The following DCDC2C variants were observed in gnomAD, a reference collection of about 807,000 sequenced individuals.
DCDC2C encodes the protein doublecortin domain-containing protein 2C.
In DCDC2C, 44 loss-of-function variants were observed where a neutral mutation model predicts 45.0. The observed-to-expected ratio is 0.98, with a 90% CI of 0.77 to 1.26. The LOEUF (loss-of-function observed/expected upper bound fraction) is 1.26. Ranked by LOEUF, DCDC2C falls within the 50% of genes most tolerant of loss-of-function variation. The probability of loss-of-function intolerance (pLI) is 0.00; values close to 1 mark genes in which losing one functional copy is unlikely to be tolerated. For synonymous variants in DCDC2C, 187 were observed against 178.8 expected, an observed-to-expected ratio of 1.05 and a Z score of -0.37; for missense variants, 447 against 468.9, an observed-to-expected ratio of 0.95 and a Z score of 0.43.
chr2:3,790,057 A>G (rs1365903315), intron 10 of DCDC2C, among the ~76,000 whole-genome samples: 1 of 152,166 alleles, frequency 6.6e-6, no homozygotes, highest in Non-Finnish European at 1.5e-5. Context: ...GTGTGCTTAG[A>G]AATTCATTGA....
At chr2:3,749,587 T>G (rs946113404) in intron 4 of DCDC2C, among the ~76,000 whole-genome samples, 1 of 152,180 alleles carries the variant, frequency 6.6e-6, no homozygotes, top group Non-Finnish European at 1.5e-5. Flanking sequence ...GTACCTCTCT[T>G]AGAAGAAAAT....
At chr2:3,769,826 A>G (rs144819422) in intron 8 of DCDC2C, among the ~76,000 whole-genome samples, 398 of 152,328 alleles carry the variant, frequency 2.6e-3, no homozygotes, top group African/African-American at 8.7e-3. Flanking sequence ...ATAATGGAGT[A>G]AACAGTGGGA....
intron 10 of DCDC2C, among the ~76,000 whole-genome samples, chr2:3,811,719 T>C (rs1313960501): frequency 6.6e-6 from 1 of 152,240 alleles, no homozygotes; most frequent in Non-Finnish European, 1.5e-5. Flanking sequence ...TGTGGGTTTG[T>C]CATAAATAGC....
chr2:3,716,969 C>T (rs1224813650), intron 2 of DCDC2C, among the ~76,000 whole-genome samples: 1 of 152,184 alleles, frequency 6.6e-6, no homozygotes, highest in Non-Finnish European at 1.5e-5. Context: ...CCTTGTTGGT[C>T]ATAGCCCTGC....
chr2:3,782,956 A>C (rs570232853), intron 9 of DCDC2C, among the ~76,000 whole-genome samples: 29 of 152,326 alleles, frequency 1.9e-4, no homozygotes, highest in Admixed American at 5.9e-4. Flanking sequence ...AATGCCAAAA[A>C]ATGTATCCAC....
At chr2:3,748,710 G>T (rs1240167115) in intron 4 of DCDC2C, among the ~76,000 whole-genome samples, 1 of 152,104 alleles carries the variant, frequency 6.6e-6, no homozygotes, top group South Asian at 2.1e-4. Flanking sequence ...GTTGGAGGAG[G>T]CACCTGAAGA....
intron 10 of DCDC2C, among the ~76,000 whole-genome samples, chr2:3,834,174 G>A (rs1157769014): frequency 6.8e-6 from 1 of 146,428 alleles, no homozygotes; most frequent in Non-Finnish European, 1.5e-5. Context: ...TACAACTGAT[G>A]AACCAACACT....
In DCDC2C at chr2:3,818,965, T is replaced by G. The variant is rs1671623087; in HGVS notation, c.1066-28189T>G. ...CGTTGGCACCAGAGTTGTGGAGTTT[T>G]AAGAGGTTTAGAAGCCTGGCTGTCA... On this transcript the variant is annotated intron_variant, in intron 10 of 10. Coordinates refer to ENST00000399143, the MANE Select transcript of DCDC2C (RefSeq NM_001287444.2). The surrounding 1 kb of genome is among the most constrained non-coding windows in gnomAD (Gnocchi z 4.7). Among the ~76,000 whole-genome samples, 1 of 152,150 alleles carries G rather than the reference T, an allele frequency of 6.6e-6. No homozygotes were observed. Among genetic ancestry groups the G allele is most frequent in the African/African-American group, 2.4e-5 (1 of 41,414 alleles).
intron 10 of DCDC2C, among the ~76,000 whole-genome samples, chr2:3,799,073 T>G (rs1045899755): frequency 2.0e-5 from 3 of 152,218 alleles, no homozygotes; most frequent in Non-Finnish European, 1.5e-5. Flanking sequence ...CTTGTTTCTT[T>G]TTATTCTTTT....
chr2:3,777,325 T>C lies in DCDC2C; in HGVS notation c.955-1491T>C, dbSNP rs10198668. ...CCTCTCCTTGTAGCACCTGTCACAG[T>C]TGTTTTGTTTGTGTGACTATTTAAT... On this transcript the variant is annotated intron_variant, in intron 8 of 10. Coordinates refer to ENST00000399143, the MANE Select transcript of DCDC2C (RefSeq NM_001287444.2). Among the ~76,000 whole-genome samples the C allele has an allele frequency of 4.4e-3, 672 of 152,288 alleles. 1 individual carries two copies. Among genetic ancestry groups the C allele is most frequent in the African/African-American group, 0.015 (641 of 41,552 alleles).
intron 10 of DCDC2C, among the ~76,000 whole-genome samples, chr2:3,798,805 T>G (rs1671031798): frequency 6.6e-6 from 1 of 152,216 alleles, no homozygotes; most frequent in South Asian, 2.1e-4. Flanking sequence ...TGCTTAACAT[T>G]TTTTCCTTCA....
At chr2:3,800,379 A>G (rs1211541096) in intron 10 of DCDC2C, among the ~76,000 whole-genome samples, 1 of 152,164 alleles carries the variant, frequency 6.6e-6, no homozygotes. Flanking sequence ...CTATTCGGCC[A>G]TCTTGGCTCC....
chr2:3,707,708 A>G (rs1054356373), intron 1 of DCDC2C, among the ~76,000 whole-genome samples: 5 of 152,226 alleles, frequency 3.3e-5, no homozygotes, highest in African/African-American at 1.2e-4. Context: ...TGGTCCCACC[A>G]GCCACAGCCC....
At chr2:3,809,362 C>A (rs1484524997) in intron 10 of DCDC2C, among the ~76,000 whole-genome samples, 2 of 152,094 alleles carry the variant, frequency 1.3e-5, no homozygotes, top group Non-Finnish European at 1.5e-5. Flanking sequence ...TATAAAATAC[C>A]ATGAACATGT....
chr2:3,767,901 G>T (rs1018935093), intron 7 of DCDC2C, 21 bp downstream of exon 7: 16 of 1,445,754 alleles, frequency 1.1e-5, no homozygotes, highest in African/African-American at 1.5e-5. Flanking sequence ...GTTTCATTCT[G>T]CTGTAGGCAG....
At chr2:3,724,965 G>A (rs1668597313) in intron 2 of DCDC2C, among the ~76,000 whole-genome samples, 1 of 152,164 alleles carries the variant, frequency 6.6e-6, no homozygotes, top group Admixed American at 6.5e-5. Flanking sequence ...AACCTCTTCT[G>A]TGCTAAGTTG....
chr2:3,776,072 C>T (rs1214526615), intron 8 of DCDC2C, among the ~76,000 whole-genome samples: 1 of 152,200 alleles, frequency 6.6e-6, no homozygotes, highest in African/African-American at 2.4e-5. Context: ...AGAGGTCCGT[C>T]CTCTCCTACC....
At position 3,847,177 on chromosome 2, in the gene DCDC2C, A is replaced by G; in HGVS notation, c.1089A>G (p.Val363=). 1 of 1,231,716 alleles carries G rather than the reference A, an allele frequency of 8.1e-7. No homozygotes were observed. The highest frequency in any genetic ancestry group is 1.0e-6 in the Non-Finnish European group (1 of 987,926). The allele number at this position is 1,231,716 out of a possible 1,614,324, so 76.3% of individuals were successfully genotyped here. ...ERKMAREWKP[V]D is the part of the protein sequence containing the mutation. The stretch of plus-strand genomic sequence containing the variant: ...AGATGGCCCGGGAGTGGAAACCTGT[A>G]GATTAACAAAACCACCTTTATTATT... Residue 363 remains valine, a synonymous_variant, in exon 11 of 11, where the codon GTA becomes GTG. Transcript: ENST00000399143.
chr2:3,773,377 C>G, intron 8 of DCDC2C, among the ~76,000 whole-genome samples: 1 of 151,880 alleles, frequency 6.6e-6, no homozygotes, highest in African/African-American at 2.4e-5. Flanking sequence ...TGGCATCCAC[C>G]CCTCCCCCAC....
Sources: gnomAD v4.1 joint callset for allele counts (sites outside exome capture counted in the v4.1 genomes callset) on GRCh38, gnomAD v4.1.1 for gene constraint, Gnocchi (gnomAD v3.1) non-coding constraint, MANE v1.5 for transcripts, NCBI Gene and HGNC (gene_info 2026-07-23, HGNC 2026-07-21) for gene names.